NEMP2: variants seen among roughly 807,000 people sequenced by gnomAD.
NEMP2 encodes UPF0571 transmembrane protein.
NEMP2 carries 53 observed loss-of-function variants against 54.2 expected under a neutral mutation model. That is an observed-to-expected ratio of 0.98 (90% CI 0.78 to 1.23). The LOEUF (loss-of-function observed/expected upper bound fraction) is 1.23. Ranked by LOEUF, NEMP2 falls within the 50% of genes most tolerant of loss-of-function variation. The probability of loss-of-function intolerance (pLI) is 0.00; values close to 1 mark genes in which losing one functional copy is unlikely to be tolerated. For synonymous variants in NEMP2, 197 were observed against 190.3 expected (o/e 1.04, Z -0.29); for missense variants, 455 against 511.3 (o/e 0.89, Z 1.06).
At position 190,509,901 on chromosome 2, in the gene NEMP2, G is replaced by A. The variant is rs1200765303; in HGVS notation, c.1130+460C>T. ...GAAAATACAAAAATTAGCCGGGCAT[G>A]GTGGCGCCCGCGCCTTGTAATCCCA... On this transcript the variant is annotated intron_variant, in intron 8 of 8. Transcript: ENST00000409150. This position sits in a 1 kb window ranked among gnomAD's most constrained non-coding sequence, Gnocchi z 6.1. 6.6e-6 allele frequency among the ~76,000 whole-genome samples: 1 copy of A among 152,262 alleles called. No homozygotes were observed. Among genetic ancestry groups the A allele is most frequent in the Non-Finnish European group, 1.5e-5 (1 of 68,050 alleles).
At chr2:190,571,205 C>T in the NEMP2 span, among the ~76,000 whole-genome samples, 27 of 152,274 alleles carry the variant, frequency 1.8e-4, no homozygotes, top group South Asian at 5.4e-3. Flanking sequence ...ATGTAAAGTA[C>T]TTAAAATAGA....
the NEMP2 span, among the ~76,000 whole-genome samples, chr2:190,422,790 AT>A: frequency 6.6e-6 from 1 of 150,760 alleles, no homozygotes; most frequent in South Asian, 2.1e-4. Context: ...TCTTCCCTTA[AT>A]TTTTTTCTTT....
At chr2:190,603,072 T>C in the NEMP2 span, among the ~76,000 whole-genome samples, 1 of 152,150 alleles carries the variant, frequency 6.6e-6, no homozygotes, top group South Asian at 2.1e-4. Context: ...AATTTAGTTT[T>C]TCTCATTGAT....
chr2:190,455,933 G>GATTT, the NEMP2 span, among the ~76,000 whole-genome samples: 1 of 49,848 alleles, frequency 2.0e-5, no homozygotes. Context: ...TATTTACTCT[G>GATTT]CTTTTTTTTT....
At chr2:190,446,334 C>T in the NEMP2 span, among the ~76,000 whole-genome samples, 3 of 152,156 alleles carry the variant, frequency 2.0e-5, no homozygotes, top group Non-Finnish European at 2.9e-5. Context: ...CAAGGCTGCA[C>T]AGTTTGGGAA....
the NEMP2 span, among the ~76,000 whole-genome samples, chr2:190,642,987 A>C: frequency 7.4e-6 from 1 of 135,252 alleles, no homozygotes; most frequent in Non-Finnish European, 1.6e-5. This position sits in a 1 kb window ranked among gnomAD's most constrained non-coding sequence, Gnocchi z 4.1. Context: ...TTCACTGAAA[A>C]CTTTTTTTTA....
At chr2:190,518,325 C>T (rs532997067) in intron 4 of NEMP2, among the ~76,000 whole-genome samples, 3 of 152,176 alleles carry the variant, frequency 2.0e-5, no homozygotes, top group African/African-American at 4.8e-5. Context: ...TTCTGTATCA[C>T]GGTCATAAAT....
At chr2:190,573,879 C>T in the NEMP2 span, among the ~76,000 whole-genome samples, 1 of 152,138 alleles carries the variant, frequency 6.6e-6, no homozygotes, top group Non-Finnish European at 1.5e-5. Context: ...CATTCAATGC[C>T]TTCCATATGC....
the NEMP2 span, among the ~76,000 whole-genome samples, chr2:190,554,300 GAC>G: frequency 6.6e-6 from 1 of 152,124 alleles, no homozygotes; most frequent in South Asian, 2.1e-4. The surrounding 1 kb of genome is among the most constrained non-coding windows in gnomAD (Gnocchi z 5.7). Context: ...ACACCAGGGA[GAC>G]AGAACCGTTG....
At chr2:190,451,744 G>C in the NEMP2 span, among the ~76,000 whole-genome samples, 1 of 152,222 alleles carries the variant, frequency 6.6e-6, no homozygotes, top group East Asian at 1.9e-4. The surrounding 1 kb of genome is among the most constrained non-coding windows in gnomAD (Gnocchi z 5.0). Context: ...AATGGCCAGG[G>C]AGAGGGTAAT....
the NEMP2 span, among the ~76,000 whole-genome samples, chr2:190,462,363 G>C: frequency 6.6e-6 from 1 of 152,186 alleles, no homozygotes; most frequent in Non-Finnish European, 1.5e-5. The surrounding 1 kb of genome is among the most constrained non-coding windows in gnomAD (Gnocchi z 5.7). Context: ...ACAGTGAATG[G>C]TGGATCCCAC....
chr2:190,589,765 T>C, the NEMP2 span, among the ~76,000 whole-genome samples: 2 of 152,278 alleles, frequency 1.3e-5, no homozygotes, highest in South Asian at 4.2e-4. This position sits in a 1 kb window ranked among gnomAD's most constrained non-coding sequence, Gnocchi z 4.3. Flanking sequence ...GCCAATGCTA[T>C]CCTTGAAGAA....
At chr2:190,590,666 G>C in the NEMP2 span, among the ~76,000 whole-genome samples, 1 of 152,220 alleles carries the variant, frequency 6.6e-6, no homozygotes, top group South Asian at 2.1e-4. This position sits in a 1 kb window ranked among gnomAD's most constrained non-coding sequence, Gnocchi z 5.1. Context: ...GAGTTATATA[G>C]ACTTATTTTA....
chr2:190,549,899 T>G, the NEMP2 span, among the ~76,000 whole-genome samples: 2 of 152,196 alleles, frequency 1.3e-5, no homozygotes, highest in Non-Finnish European at 1.5e-5. Flanking sequence ...TAATGCTTGG[T>G]TCTACCTGGT....
chr2:190,639,983 A>G, the NEMP2 span, among the ~76,000 whole-genome samples: 2 of 152,200 alleles, frequency 1.3e-5, no homozygotes, highest in Non-Finnish European at 2.9e-5. Flanking sequence ...CATAAAGAAG[A>G]AAATAAAAAC....
the NEMP2 span, among the ~76,000 whole-genome samples, chr2:190,459,354 G>C: frequency 6.6e-6 from 1 of 152,244 alleles, no homozygotes; most frequent in Middle Eastern, 3.4e-3. This position sits in a 1 kb window ranked among gnomAD's most constrained non-coding sequence, Gnocchi z 5.3. Context: ...TAAAACTCTT[G>C]AGGCCTTTTT....
In NEMP2 at chr2:190,506,111, T is replaced by C. The variant is rs1690181436; in HGVS notation, c.*3078A>G. 1.3e-5 allele frequency: 2 copies of C among 152,220 alleles called. No individual in the cohort carries two copies. The highest frequency in any genetic ancestry group is 6.5e-5 in the Admixed American group (1 of 15,282). The allele number at this position is 152,220 out of a possible 1,614,324, so 9.4% of individuals were successfully genotyped here. On this transcript the variant is annotated 3_prime_UTR_variant, in exon 9 of 9. Transcript: ENST00000409150. This position sits in a 1 kb window ranked among gnomAD's most constrained non-coding sequence, Gnocchi z 6.3. The stretch of plus-strand genomic sequence containing the variant: ...TGTGAATCACTACCTGTACCAACTA[T>C]ATGAATTGACTAACAAGAGACAGGT...
At chr2:190,641,180 C>T in the NEMP2 span, 1 of 152,074 alleles carries the variant, frequency 6.6e-6, no homozygotes, top group East Asian at 1.9e-4. Context: ...TTTCACTTCT[C>T]CCAAAATAGT....
the NEMP2 span, among the ~76,000 whole-genome samples, chr2:190,621,645 A>G: frequency 6.6e-6 from 1 of 151,804 alleles, no homozygotes; most frequent in Non-Finnish European, 1.5e-5. Flanking sequence ...TTCAAAATTT[A>G]CTACAAAGCT....
Sources: allele counts gnomAD v4.1 joint callset (sites outside exome capture counted in the v4.1 genomes callset), GRCh38; gene constraint gnomAD v4.1.1; non-coding constraint Gnocchi (gnomAD v3.1); transcripts MANE v1.5; gene names NCBI Gene and HGNC (gene_info 2026-07-23, HGNC 2026-07-21).